The following EPHA3 variants were observed in gnomAD, a reference collection of about 807,000 sequenced individuals.
EPHA3 encodes ephrin type-A receptor 3.
EPHA3 carries 42 observed loss-of-function variants against 107.1 expected under a neutral mutation model. The ratio of observed to expected loss-of-function variants is 0.39; its 90% confidence interval spans 0.31 to 0.51. The LOEUF (loss-of-function observed/expected upper bound fraction) is 0.51. Ranked by LOEUF, EPHA3 falls within the 20% of genes least tolerant of loss-of-function variation. The pLI is 0.78. For missense variants in EPHA3, 1,183 were observed against 1,211.2 expected (o/e 0.98, Z 0.35); for synonymous variants, 461 against 424.8 (o/e 1.09, Z -1.05).
At chr3:89,195,158 C>A (rs138208509) in intron 2 of EPHA3, among the ~76,000 whole-genome samples, 2 of 151,588 alleles carry the variant, frequency 1.3e-5, no homozygotes, top group African/African-American at 4.8e-5. Flanking sequence ...TGAAAACATT[C>A]TTTTTCTGTG....
intron 3 of EPHA3, among the ~76,000 whole-genome samples, chr3:89,254,371 G>C (rs1007017834): frequency 3.3e-5 from 5 of 152,114 alleles, no homozygotes; most frequent in African/African-American, 9.7e-5. Flanking sequence ...CATTTACTCT[G>C]AATAATGGGA....
At chr3:89,233,476 T>C (rs527301878) in intron 3 of EPHA3, among the ~76,000 whole-genome samples, 68 of 152,302 alleles carry the variant, frequency 4.5e-4, no homozygotes, top group African/African-American at 1.6e-3. Context: ...CTTTTAAAAA[T>C]GTTTTCATTG....
Position 89,209,972 on chromosome 3 carries a change from G to A in EPHA3, c.266G>A (p.Arg89Lys), listed in dbSNP as rs142484873. 2.7e-5 allele frequency: 43 copies of A among 1,613,840 alleles called. No individual in the cohort carries two copies. The highest frequency in any genetic ancestry group is 1.5e-4 in the South Asian group (14 of 91,088). Residue 89 changes from arginine (R) to lysine (K), a missense_variant, in exon 3 of 17, where the codon AGG (arginine) becomes AAG (lysine). Coordinates refer to ENST00000336596, the MANE Select transcript of EPHA3 (RefSeq NM_005233.6). ...NNWLRTNWVP[R>K]NSAQKIYVEL... ...TGGCTGAGAACAAACTGGGTCCCCAGGAACTCAGCTCAGAAGATTTATGTG... is the reference window on the plus strand; with the variant it reads ...TGGCTGAGAACAAACTGGGTCCCCAAGAACTCAGCTCAGAAGATTTATGTG...
intron 15 of EPHA3, among the ~76,000 whole-genome samples, chr3:89,459,720 A>T (rs1710182862): frequency 6.6e-6 from 1 of 152,028 alleles, no homozygotes; most frequent in Non-Finnish European, 1.5e-5. Context: ...ATGGGGTTTC[A>T]CCGTGTTGAC....
chr3:89,119,038 A>G (rs1707318995), intron 1 of EPHA3, among the ~76,000 whole-genome samples: 1 of 152,042 alleles, frequency 6.6e-6, no homozygotes, highest in Non-Finnish European at 1.5e-5. Flanking sequence ...GCTTAAGTTC[A>G]TGTGGTGGGG....
intron 11 of EPHA3, among the ~76,000 whole-genome samples, chr3:89,426,462 C>T (rs1313049625): frequency 2.0e-5 from 3 of 151,822 alleles, no homozygotes; most frequent in African/African-American, 7.2e-5. Context: ...ATGCAAAGCA[C>T]ATTTTCAGAC....
chr3:89,232,832 C>G (rs1014917312), intron 3 of EPHA3, among the ~76,000 whole-genome samples: 2 of 152,182 alleles, frequency 1.3e-5, no homozygotes, highest in South Asian at 2.1e-4. Flanking sequence ...ATTTGCCTAT[C>G]ATTCATTGAG....
rs183063019 is a variant in EPHA3 at position 89,477,259 on chromosome 3, A to T, written c.2847-2138A>T. 1.6e-4 allele frequency among the ~76,000 whole-genome samples: 25 copies of T among 152,218 alleles called. No homozygotes were observed. The East Asian group carries it at 4.9e-3, about 30-fold the overall frequency. ...AGCGTGGCAAGCCTCACATTCCCAT[A>T]CATCCCCACTAGCCTTCCTGAGAAA... On this transcript the variant is annotated intron_variant, in intron 16 of 16. Coordinates refer to ENST00000336596, the MANE Select transcript of EPHA3 (RefSeq NM_005233.6).
intron 3 of EPHA3, among the ~76,000 whole-genome samples, chr3:89,272,707 TTTAC>T (rs1705703933): frequency 6.6e-6 from 1 of 151,942 alleles, no homozygotes; most frequent in Non-Finnish European, 1.5e-5. Context: ...TGGTCCACAT[TTTAC>T]TTACTCTTTT....
chr3:89,208,464 AAGAAAGAAAGAAAGAAAG>A (rs1559600899), intron 2 of EPHA3, among the ~76,000 whole-genome samples: 7 of 146,484 alleles, frequency 4.8e-5, no homozygotes, highest in African/African-American at 1.5e-4. Flanking sequence ...GAAAGAAAGA[AAGAAAGAAAGAAAGAAAG>A]AGAAAAAGAA....
intron 5 of EPHA3, among the ~76,000 whole-genome samples, chr3:89,347,595 A>C (rs1244968701): frequency 2.0e-5 from 3 of 150,050 alleles, no homozygotes; most frequent in Non-Finnish European, 3.0e-5. Context: ...TCCTAATTGA[A>C]TACCCTTTAT....
chr3:89,219,754 G>T (rs1704321998), intron 3 of EPHA3, among the ~76,000 whole-genome samples: 1 of 105,792 alleles, frequency 9.5e-6, no homozygotes, highest in Non-Finnish European at 1.9e-5. Context: ...TGTCGCCCAG[G>T]CTGGAGTGCA....
intron 3 of EPHA3, among the ~76,000 whole-genome samples, chr3:89,228,617 T>C (rs1378035080): frequency 1.3e-5 from 2 of 151,942 alleles, no homozygotes; most frequent in African/African-American, 4.8e-5. Context: ...TATATATACA[T>C]ACTGATTAAC....
At chr3:89,392,166 G>A (rs181299069) in intron 5 of EPHA3, among the ~76,000 whole-genome samples, 251 of 152,220 alleles carry the variant, frequency 1.6e-3, no homozygotes, top group Non-Finnish European at 2.8e-3. Context: ...CCGGAGGGGC[G>A]CAGTGGCTCA....
At chr3:89,260,036 G>A (rs1705378800) in intron 3 of EPHA3, among the ~76,000 whole-genome samples, 2 of 152,124 alleles carry the variant, frequency 1.3e-5, no homozygotes, top group South Asian at 4.1e-4. Context: ...GCCTCTGGAT[G>A]TGTGTGTGTG....
Position 89,235,881 on chromosome 3 carries a change from A to G in EPHA3, c.814+25361A>G, listed in dbSNP as rs146334502. Reference sequence around the variant, plus strand: ...AATTGAAAATATATAAAGAATTTCTATGTATTAATAAATAAATAATAAAAA... The same window carrying G: ...AATTGAAAATATATAAAGAATTTCTGTGTATTAATAAATAAATAATAAAAA... On this transcript the variant is annotated intron_variant, in intron 3 of 16. Coordinates refer to ENST00000336596, the MANE Select transcript of EPHA3 (RefSeq NM_005233.6). Among the ~76,000 whole-genome samples the G allele has an allele frequency of 1.8e-3, 279 of 152,008 alleles. 1 individual carries two copies. The highest frequency in any genetic ancestry group is 6.8e-3 in the Middle Eastern group (2 of 292).
intron 3 of EPHA3, among the ~76,000 whole-genome samples, chr3:89,304,298 C>A (rs1052425884): frequency 1.3e-5 from 2 of 152,070 alleles, no homozygotes; most frequent in African/African-American, 4.8e-5. Context: ...TTATTCCCAA[C>A]GTAGACATGG....
intron 3 of EPHA3, among the ~76,000 whole-genome samples, chr3:89,222,341 A>G (rs1175613846): frequency 5.5e-5 from 8 of 146,298 alleles, no homozygotes; most frequent in Admixed American, 1.4e-4. Flanking sequence ...ATATATATAT[A>G]TATATATATA....
chr3:89,284,077 A>G (rs1446708945), intron 3 of EPHA3, among the ~76,000 whole-genome samples: 2 of 152,172 alleles, frequency 1.3e-5, no homozygotes, highest in African/African-American at 2.4e-5. Flanking sequence ...AATAATGATC[A>G]GAAACTGTTA....
Sources: gnomAD v4.1 joint callset for allele counts (sites outside exome capture counted in the v4.1 genomes callset) on GRCh38, gnomAD v4.1.1 for gene constraint, MANE v1.5 for transcripts, NCBI Gene and HGNC (gene_info 2026-07-23, HGNC 2026-07-21) for gene names.